MYO18B: variants seen among roughly 807,000 people sequenced by gnomAD.
The protein encoded by MYO18B is unconventional myosin-XVIIIb.
In MYO18B, 204 loss-of-function variants were observed where a neutral mutation model predicts 273.0. The observed-to-expected ratio is 0.75, with a 90% CI of 0.67 to 0.84. The LOEUF (loss-of-function observed/expected upper bound fraction) is 0.84. Ranked by LOEUF, MYO18B falls within the 40% of genes least tolerant of loss-of-function variation. The pLI is 0.00. For synonymous variants in MYO18B, 1,330 were observed against 1,305.7 expected, an observed-to-expected ratio of 1.02 and a Z score of -0.40; for missense variants, 3,212 against 3,287.6, an observed-to-expected ratio of 0.98 and a Z score of 0.56.
intron 17 of MYO18B, among the ~76,000 whole-genome samples, chr22:25,843,481 G>A (rs2090144919): frequency 2.0e-5 from 3 of 152,124 alleles, no homozygotes; most frequent in South Asian, 4.1e-4. Context: ...AGAAAAACTC[G>A]AGGAGATCGA....
At chr22:25,941,204 A>G (rs1370902291) in intron 34 of MYO18B, among the ~76,000 whole-genome samples, 1 of 152,220 alleles carries the variant, frequency 6.6e-6, no homozygotes, top group East Asian at 1.9e-4. Flanking sequence ...AGCCCACACT[A>G]GGTCGGGAGA....
intron 42 of MYO18B, among the ~76,000 whole-genome samples, chr22:26,014,146 A>C (rs1935125823): frequency 6.6e-6 from 1 of 152,218 alleles, no homozygotes; most frequent in African/African-American, 2.4e-5. Flanking sequence ...ATCTAGATAC[A>C]CAATGCATCA....
At chr22:26,026,297 A>T (rs765791319) in intron 42 of MYO18B, 148 bp from the exon 43 acceptor site, 25 of 959,750 alleles carry the variant, frequency 2.6e-5, no homozygotes, top group Non-Finnish European at 2.6e-5. Context: ...TTGCACATTA[A>T]ATCATATGGT....
chr22:26,029,128 G>T (rs564734143), intron 43 of MYO18B, among the ~76,000 whole-genome samples: 5 of 152,144 alleles, frequency 3.3e-5, no homozygotes, highest in Non-Finnish European at 7.3e-5. Flanking sequence ...GTTTTCCCTA[G>T]GGACACATTC....
rs376417700 is a variant in MYO18B, at chr22:25,763,429, T to C, written c.198+40T>C. On this transcript the variant is annotated intron_variant, in intron 3 of 43. Coordinates refer to ENST00000335473, the MANE Select transcript of MYO18B (RefSeq NM_032608.7). ...AGAAGGAGGACCGTATGCGTTTCCA[T>C]ACCCATCATTCTGTCTTGTGAGCTT... 33 of 1,583,320 alleles carry C rather than the reference T, an allele frequency of 2.1e-5. No individual in the cohort carries two copies. The African/African-American group carries it at 4.1e-4, about 20-fold the overall frequency.
At chr22:25,904,747 A>G (rs917275960) in intron 31 of MYO18B, among the ~76,000 whole-genome samples, 4 of 152,192 alleles carry the variant, frequency 2.6e-5, no homozygotes, top group African/African-American at 7.2e-5. Context: ...TACATGTATA[A>G]TAGAACACAA....
chr22:25,794,025 C>G (rs2087794652), intron 11 of MYO18B, among the ~76,000 whole-genome samples: 1 of 151,996 alleles, frequency 6.6e-6, no homozygotes, highest in Non-Finnish European at 1.5e-5. Flanking sequence ...ACTCCGCCTC[C>G]TGGGTTCACG....
intron 17 of MYO18B, among the ~76,000 whole-genome samples, chr22:25,838,509 C>G (rs1355147560): frequency 1.3e-5 from 2 of 152,228 alleles, no homozygotes; most frequent in Middle Eastern, 6.3e-3. Flanking sequence ...AGCAGTGTTT[C>G]AGGCAACGGA....
At chr22:26,053,317 G>A in the MYO18B span, among the ~76,000 whole-genome samples, 1 of 152,240 alleles carries the variant, frequency 6.6e-6, no homozygotes, top group Non-Finnish European at 1.5e-5. Context: ...GAAAGATACA[G>A]CATTAGATGT....
intron 36 of MYO18B, 125 bp from the exon 37 acceptor site, chr22:25,950,242 T>C: frequency 1.4e-6 from 1 of 732,426 alleles, no homozygotes. Context: ...ACAGCTATTA[T>C]CATAGAAGCT....
At chr22:25,888,105 G>A (rs569855968) in intron 25 of MYO18B, among the ~76,000 whole-genome samples, 15 of 152,170 alleles carry the variant, frequency 9.9e-5, no homozygotes, top group Admixed American at 2.6e-4. Context: ...AAATCCAAGT[G>A]TGAGGCCAAA....
intron 31 of MYO18B, among the ~76,000 whole-genome samples, chr22:25,907,420 G>A (rs2092066609): frequency 6.6e-6 from 1 of 152,230 alleles, no homozygotes; most frequent in Admixed American, 6.5e-5. Flanking sequence ...TTGCCAGGGA[G>A]GGAGGGGATA....
chr22:25,818,678 C>T lies in MYO18B; in HGVS notation c.2522-4827C>T, dbSNP rs541741903. 1.3e-4 allele frequency among the ~76,000 whole-genome samples: 20 copies of T among 152,284 alleles called. No homozygotes were observed. In the South Asian group the frequency reaches 3.9e-3, roughly 30 times the overall value. On this transcript the variant is annotated intron_variant, in intron 12 of 43. Transcript: ENST00000335473. ...TAAAAAGCAGTGAATAGACAAGAAC[C>T]TGCAGGGGAAGTCTCTGCAGCCAGC...
At chr22:26,023,685 A>G (rs745565474) in intron 42 of MYO18B, among the ~76,000 whole-genome samples, 4 of 152,146 alleles carry the variant, frequency 2.6e-5, no homozygotes, top group Non-Finnish European at 1.5e-5. Context: ...CAGGCGGTGG[A>G]TGAGACAGAG....
chr22:25,828,799 C>T lies in MYO18B; in HGVS notation c.2810C>T (p.Ser937Phe). 1 of 1,613,870 alleles carries T rather than the reference C, an allele frequency of 6.2e-7. No homozygotes were observed. Among genetic ancestry groups the T allele is most frequent in the Non-Finnish European group, 8.5e-7 (1 of 1,179,886 alleles). ...INRSFSSHHL[S>F]MASIMVVDSP... ...AGATCCTTTTCCTCCCACCATCTCTCCATGGCCTCCATCATGGTGGTGGAC... is the reference window on the plus strand; with the variant it reads ...AGATCCTTTTCCTCCCACCATCTCTTCATGGCCTCCATCATGGTGGTGGAC... Residue 937 changes from serine (S) to phenylalanine (F), a missense_variant, in exon 15 of 44, where the codon TCC becomes TTC. Physicochemically the swap from Ser to Phe is radical, Grantham distance 155. Transcript: ENST00000335473.
At chr22:26,041,445 T>C in the MYO18B span, among the ~76,000 whole-genome samples, 1 of 151,228 alleles carries the variant, frequency 6.6e-6, no homozygotes, top group African/African-American at 2.4e-5. Context: ...GGCAGGAGAA[T>C]TGCTTGAACC....
In MYO18B at chr22:25,950,409, C is replaced by A. The variant is rs994532531; in HGVS notation, c.5791C>A (p.Leu1931Met). 1 of 1,607,900 alleles carries A rather than the reference C, an allele frequency of 6.2e-7. No homozygotes were observed. The highest frequency in any genetic ancestry group is 1.3e-5 in the African/African-American group (1 of 74,566). ...GCAGATCCAAGAACTGCAGCTGCAG[C>A]TGGAGGAAGCCAAGAAGGAGAAGCA... ...IGQIQELQLQ[L>M]EEAKKEKHKL... Residue 1931 changes from leucine (L) to methionine (M), a missense_variant, in exon 37 of 44, where the codon CTG becomes ATG. Leu to Met is a conservative substitution (Grantham distance 15, BLOSUM62 2). Transcript: ENST00000335473.
rs551523071 is a variant in MYO18B at position 25,780,166 on chromosome 22, G to A, written c.2179G>A (p.Ala727Thr). 1.6e-4 allele frequency: 261 copies of A among 1,606,202 alleles called. No individual in the cohort carries two copies. Among genetic ancestry groups the A allele is most frequent in the Admixed American group, 4.7e-4 (28 of 59,212 alleles). The change falls in exon 9 of 44, where the codon GCT becomes ACT. Residue 727 changes from alanine (A) to threonine (T), a missense_variant. Coordinates refer to ENST00000335473, the MANE Select transcript of MYO18B (RefSeq NM_032608.7). The part of the protein sequence containing the change: ...FSMVMSLDFN[A>T]TGRITAAQLQ... The stretch of plus-strand genomic sequence containing the variant: ...CATGGTGATGTCGCTGGACTTCAAC[G>A]CTACAGGCCGCATCACAGCTGCTCA...
At chr22:25,778,959 ACT>A (rs1569005533) in intron 8 of MYO18B, among the ~76,000 whole-genome samples, 1 of 152,048 alleles carries the variant, frequency 6.6e-6, no homozygotes, top group African/African-American at 2.4e-5. Context: ...TGGCTGTAGA[ACT>A]CTAACCATTG....
Sources: allele counts gnomAD v4.1 joint callset (sites outside exome capture counted in the v4.1 genomes callset), GRCh38; gene constraint gnomAD v4.1.1; transcripts MANE v1.5; gene names NCBI Gene and HGNC (gene_info 2026-07-23, HGNC 2026-07-21).